The following CHCHD4 variants were observed in gnomAD, a reference collection of about 807,000 sequenced individuals.
CHCHD4 encodes the protein mitochondrial intermembrane space import and assembly protein 40.
A neutral mutation model predicts 12.4 loss-of-function variants in CHCHD4; 7 were observed. That is an observed-to-expected ratio of 0.57 (90% confidence interval 0.32 to 1.06). The LOEUF (loss-of-function observed/expected upper bound fraction) is 1.06, where lower values mean the gene tolerates loss of function less well. Ranked by LOEUF, CHCHD4 falls within the 50% of genes least tolerant of loss-of-function variation. CHCHD4 has a pLI of 0.04. For missense variants in CHCHD4, 143 were observed against 175.1 expected, an observed-to-expected ratio of 0.82 and a Z score of 1.03; for synonymous variants, 56 against 58.0, an observed-to-expected ratio of 0.97 and a Z score of 0.16.
In CHCHD4 at chr3:14,112,722, A is replaced by T; in HGVS notation, c.*165T>A. ...ACAACCCCCATTTTTTTCAGTGTAT[A>T]TGTCAAGATGTCAAGACCTCAAGAC... On this transcript the variant is annotated 3_prime_UTR_variant, in exon 3 of 3. Transcript: ENST00000396914. 4 of 641,208 alleles carry T rather than the reference A, an allele frequency of 6.2e-6. No individual in the cohort carries two copies. The highest frequency in any genetic ancestry group is 1.8e-5 in the African/African-American group (1 of 54,246). 39.7% of individuals were successfully genotyped at this position (641,208 alleles called of 1,614,324 possible). A position where few individuals can be genotyped will look rare whatever the true frequency, so the allele number is the denominator to read the frequency against.
At chr3:14,124,559 G>T in intron 1 of CHCHD4, 96 bp downstream of exon 1, 1 of 1,212,488 alleles carries the variant, frequency 8.2e-7, no homozygotes, top group Non-Finnish European at 1.1e-6. Flanking sequence ...CCGCGCCTCA[G>T]GTGGCCCGCG....
chr3:14,122,860 G>A (rs1694951430), intron 1 of CHCHD4, among the ~76,000 whole-genome samples: 2 of 152,212 alleles, frequency 1.3e-5, no homozygotes, highest in Admixed American at 6.5e-5. Context: ...AGCCACGGAA[G>A]AGCTGAAGGC....
At chr3:14,119,032 A>G (rs991405910) in intron 1 of CHCHD4, 7 of 152,326 alleles carry the variant, frequency 4.6e-5, no homozygotes, top group African/African-American at 1.2e-4. Flanking sequence ...TGCCATGTCC[A>G]TGTAGCTCAC....
Position 14,116,501 on chromosome 3 carries a change from T to C in CHCHD4, c.46A>G (p.Thr16Ala), listed in dbSNP as rs199979528. The change falls in exon 2 of 3, where the codon ACC becomes GCC. Residue 16 changes from threonine to alanine, a missense_variant. By Grantham distance (58) the Thr-to-Ala change is moderately conservative. Transcript: ENST00000396914. ...CTTGGAGTTTCATGATCTTCTTTGG[T>C]TACAAATATGATTCGATCCTTCCCT... is the stretch of plus-strand genomic sequence containing the variant. ...QEGKDRIIFV[T>A]KEDHETPSSA... The C allele has an allele frequency of 6.2e-7, 1 of 1,612,212 alleles. No individual in the cohort carries two copies.
chr3:14,121,629 T>C (rs979860131), intron 1 of CHCHD4, among the ~76,000 whole-genome samples: 3 of 152,218 alleles, frequency 2.0e-5, no homozygotes, highest in Non-Finnish European at 2.9e-5. Flanking sequence ...TTTGGCTAAG[T>C]TGATTCAATA....
At chr3:14,124,394 C>G (rs938557909) in intron 1 of CHCHD4, among the ~76,000 whole-genome samples, 9 of 152,218 alleles carry the variant, frequency 5.9e-5, no homozygotes, top group African/African-American at 1.4e-4. Flanking sequence ...TTTACGACTT[C>G]CTACGCACAG....
Position 14,124,368 on chromosome 3 carries a change from C to CCACA in CHCHD4, c.22+286_22+287insTGTG, listed in dbSNP as rs1694977283. Among the ~76,000 whole-genome samples the CCACA allele has an allele frequency of 1.3e-5, 2 of 152,202 alleles. 1 individual carries two copies. Among genetic ancestry groups the CCACA allele is most frequent in the East Asian group, 3.9e-4 (2 of 5,178 alleles). Reference sequence around the variant, plus strand: ...CGCAACGTGCTCGGCACTTCCCGTGCCCCAACCGGACCTAGTTTACGACTT... The same window carrying CCACA: ...CGCAACGTGCTCGGCACTTCCCGTGCCACACCCAACCGGACCTAGTTTACGACTT... On this transcript the variant is annotated intron_variant, in intron 1 of 2. Coordinates refer to ENST00000396914, the MANE Select transcript of CHCHD4 (RefSeq NM_001098502.2).
chr3:14,123,925 G>A (rs527303449), intron 1 of CHCHD4, among the ~76,000 whole-genome samples: 143 of 152,312 alleles, frequency 9.4e-4, no homozygotes, highest in African/African-American at 3.2e-3. Flanking sequence ...GAGGTAGGCA[G>A]GGTTCTCCCT....
At chr3:14,116,376 T>G in intron 2 of CHCHD4, 50 bp downstream of exon 2, 1 of 1,215,316 alleles carries the variant, frequency 8.2e-7, no homozygotes, top group Non-Finnish European at 1.2e-6. Context: ...AACACTGAGC[T>G]TCTCCCCAGT....
At position 14,112,676 on chromosome 3, in the gene CHCHD4, T is replaced by G; in HGVS notation, c.*211A>C. On this transcript the variant is annotated 3_prime_UTR_variant, in exon 3 of 3. Transcript: ENST00000396914. Reference sequence around the variant, plus strand: ...GAATTCAAAAGTGGCGGCCACAGGTTTGGGTAGGACACACATACATACAAC... The same window carrying G: ...GAATTCAAAAGTGGCGGCCACAGGTGTGGGTAGGACACACATACATACAAC... The G allele has an allele frequency of 2.1e-6, 1 of 471,672 alleles. No homozygotes were observed. The highest frequency in any genetic ancestry group is 5.2e-5 in the South Asian group (1 of 19,148). The allele number at this position is 471,672 out of a possible 1,614,324, so 29.2% of individuals were successfully genotyped here. A position where few individuals can be genotyped will look rare whatever the true frequency, so the allele number is the denominator to read the frequency against.
At chr3:14,124,224 C>A (rs1694974610) in intron 1 of CHCHD4, among the ~76,000 whole-genome samples, 1 of 152,182 alleles carries the variant, frequency 6.6e-6, no homozygotes, top group Non-Finnish European at 1.5e-5. Flanking sequence ...CACACGCTAC[C>A]CCGAGTGGCA....
At chr3:14,122,126 C>G in intron 1 of CHCHD4, 1 of 1,528,928 alleles carries the variant, frequency 6.5e-7, no homozygotes, top group Admixed American at 2.1e-5. Flanking sequence ...TGTTCGCTCA[C>G]ACGTGTTTAG....
Position 14,116,282 on chromosome 3 carries a change from C to T in CHCHD4, c.121+144G>A, listed in dbSNP as rs1161659279. ...CCTCAAACCTCTGAGGAAGATAAAC[C>T]ACTGCCCTCAGAGATGGTCTATGGC... On this transcript the variant is annotated intron_variant, in intron 2 of 2. Transcript: ENST00000396914. 1.3e-5 allele frequency: 9 copies of T among 685,248 alleles called. No individual in the cohort carries two copies. The African/African-American group carries it at 1.4e-4, about 11-fold the overall frequency. The allele number at this position is 685,248 out of a possible 1,614,324, so 42.4% of individuals were successfully genotyped here.
intron 1 of CHCHD4, chr3:14,119,423 T>C (rs556491272): frequency 5.1e-5 from 7 of 138,566 alleles, no homozygotes; most frequent in Non-Finnish European, 1.0e-4. Context: ...TGTATGCCTG[T>C]CCTAGAGGGC....
At chr3:14,124,601 G>C in intron 1 of CHCHD4, 54 bp downstream of exon 1, 1 of 1,447,588 alleles carries the variant, frequency 6.9e-7, no homozygotes, top group Non-Finnish European at 9.1e-7. Context: ...CGGGGCCCGC[G>C]TGTCTCCCGC....
chr3:14,123,877 A>G (rs561839051), intron 1 of CHCHD4, among the ~76,000 whole-genome samples: 35 of 152,162 alleles, frequency 2.3e-4, no homozygotes, highest in Non-Finnish European at 4.3e-4. Flanking sequence ...AGTAACATCA[A>G]GGAAGCAGTA....
Position 14,113,722 on chromosome 3 carries a change from G to A in CHCHD4, c.122-528C>T, listed in dbSNP as rs542553054. On this transcript the variant is annotated intron_variant, in intron 2 of 2. Coordinates refer to ENST00000396914, the MANE Select transcript of CHCHD4 (RefSeq NM_001098502.2). ...AGGAGGTTGCTCCTTATGTACTGAC[G>A]AAGAAAGATGTCCAAGACATGCTGC... Among the ~76,000 whole-genome samples the A allele has an allele frequency of 1.4e-4, 22 of 152,240 alleles. No homozygotes were observed. In the South Asian group the frequency reaches 1.7e-3, roughly 11 times the overall value.
intron 1 of CHCHD4, among the ~76,000 whole-genome samples, chr3:14,118,269 CG>C (rs915242740): frequency 1.1e-4 from 17 of 152,200 alleles, no homozygotes; most frequent in African/African-American, 4.1e-4. Flanking sequence ...GCGCAGAGGC[CG>C]GACCTGCAGA....
rs941714254 is a variant in CHCHD4 at position 14,124,843 on chromosome 3, G to C, written c.-167C>G. ...CGCCTGCCTCGGCGCCCTCGCAACC[G>C]CGGCCAGGCCAACCTCAGCCGGAAA... On this transcript the variant is annotated 5_prime_UTR_variant, in exon 1 of 3. Coordinates refer to ENST00000396914, the MANE Select transcript of CHCHD4 (RefSeq NM_001098502.2). 2.6e-6 allele frequency: 2 copies of C among 772,758 alleles called. No homozygotes were observed. The highest frequency in any genetic ancestry group is 1.8e-5 in the African/African-American group (1 of 56,642). 47.9% of individuals were successfully genotyped at this position (772,758 alleles called of 1,614,324 possible).
Sources: gnomAD v4.1 joint callset for allele counts (sites outside exome capture counted in the v4.1 genomes callset) on GRCh38, gnomAD v4.1.1 for gene constraint, MANE v1.5 for transcripts, NCBI Gene and HGNC (gene_info 2026-07-23, HGNC 2026-07-21) for gene names.